The following DCDC1 variants were observed in gnomAD, a reference collection of about 807,000 sequenced individuals.
DCDC1 encodes doublecortin domain containing 1.
In DCDC1, 200 loss-of-function variants were observed where a neutral mutation model predicts 178.3. The observed-to-expected ratio is 1.12, with a 90% CI of 1.00 to 1.26. DCDC1 has a LOEUF of 1.26. Among genes scored for constraint, DCDC1 ranks in the 50% most tolerant of loss-of-function variants. The probability of loss-of-function intolerance (pLI) is 0.00; values close to 1 mark genes in which losing one functional copy is unlikely to be tolerated. For synonymous variants in DCDC1, 690 were observed against 604.8 expected, an observed-to-expected ratio of 1.14 and a Z score of -2.07; for missense variants, 1,983 against 1,749.2, an observed-to-expected ratio of 1.13 and a Z score of -2.38.
At chr11:31,253,356 ATT>A (rs1357132704) in intron 8 of DCDC1, among the ~76,000 whole-genome samples, 16 of 134,640 alleles carry the variant, frequency 1.2e-4, no homozygotes, top group Admixed American at 1.5e-4. Context: ...AGTTTTGGAG[ATT>A]TTTTTTTTTT....
At chr11:31,327,389 C>T (rs894733699) in intron 3 of DCDC1, among the ~76,000 whole-genome samples, 2 of 151,996 alleles carry the variant, frequency 1.3e-5, no homozygotes, top group African/African-American at 2.4e-5. Context: ...AGGCTGGTCT[C>T]AAACTCCCGA....
intron 20 of DCDC1, among the ~76,000 whole-genome samples, chr11:30,959,105 A>C (rs961990744): frequency 1.8e-4 from 27 of 152,130 alleles, no homozygotes; most frequent in African/African-American, 6.0e-4. Flanking sequence ...AAGAGGAGGA[A>C]GTTGATGCCT....
intron 21 of DCDC1, among the ~76,000 whole-genome samples, chr11:30,949,420 G>A (rs1172668093): frequency 6.6e-6 from 1 of 152,214 alleles, no homozygotes; most frequent in Non-Finnish European, 1.5e-5. Context: ...GTGTAAATTA[G>A]TTAAACCATT....
In DCDC1 at chr11:31,011,645, C is replaced by A. The variant is rs113437061; in HGVS notation, c.2591+52824G>T. 4.4e-3 allele frequency among the ~76,000 whole-genome samples: 670 copies of A among 152,284 alleles called. 5 individuals carry two copies. Among genetic ancestry groups the A allele is most frequent in the African/African-American group, 0.015 (642 of 41,544 alleles). On this transcript the variant is annotated intron_variant, in intron 20 of 38. Coordinates refer to ENST00000684477, the MANE Select transcript of DCDC1 (RefSeq NM_001387274.1). ...CATCCCCTACGCTATAGTAGAACCA[C>A]TTTAGAGAGCTATGTAAAAATACAA... is the stretch of plus-strand genomic sequence containing the variant.
chr11:30,934,291 T>G (rs1037832426), intron 21 of DCDC1, among the ~76,000 whole-genome samples: 1 of 152,076 alleles, frequency 6.6e-6, no homozygotes, highest in Non-Finnish European at 1.5e-5. Context: ...ATCTCTCTGG[T>G]TTTGGTGGCC....
intron 9 of DCDC1, among the ~76,000 whole-genome samples, chr11:31,146,900 G>A (rs1964513441): frequency 6.6e-6 from 1 of 152,066 alleles, no homozygotes; most frequent in African/African-American, 2.4e-5. Flanking sequence ...ACCAAGCGTG[G>A]TTCAGAAAAT....
chr11:31,087,329 G>T, intron 17 of DCDC1, among the ~76,000 whole-genome samples: 1 of 150,672 alleles, frequency 6.6e-6, no homozygotes, highest in East Asian at 2.0e-4. Flanking sequence ...TAATTTCATT[G>T]GTTTTCTTTT....
chr11:31,365,988 C>T (rs913070603), intron 1 of DCDC1, among the ~76,000 whole-genome samples: 1 of 137,842 alleles, frequency 7.3e-6, no homozygotes, highest in Non-Finnish European at 1.7e-5. Flanking sequence ...AAATGTGCAA[C>T]AAATATTATT....
intron 20 of DCDC1, among the ~76,000 whole-genome samples, chr11:31,030,947 G>A (rs1028458538): frequency 3.3e-5 from 5 of 152,018 alleles, no homozygotes; most frequent in Non-Finnish European, 5.9e-5. Context: ...ATTTTTATCT[G>A]AGTTCTTATA....
Position 31,328,229 on chromosome 11 carries a change from A to C in DCDC1, c.52T>G (p.Leu18Val). Reference sequence around the variant, plus strand: ...TCCATTGCTTCAGTCAAGAGGGATAAGGAAGACTGAGATAGTGCTTCTCTG... The same window carrying C: ...TCCATTGCTTCAGTCAAGAGGGATACGGAAGACTGAGATAGTGCTTCTCTG... ...DHREALSQSS[L>V]SLLTEAMEVL... The change falls in exon 3 of 39, where the codon TTA (leucine) becomes GTA (valine). Residue 18 changes from leucine to valine, a missense_variant. Physicochemically the swap from Leu to Val is conservative, Grantham distance 32. Transcript: ENST00000684477. 3.7e-6 allele frequency: 6 copies of C among 1,608,006 alleles called. No individual in the cohort carries two copies. Among genetic ancestry groups the C allele is most frequent in the Non-Finnish European group, 5.1e-6 (6 of 1,175,938 alleles).
At chr11:31,185,080 T>TA (rs940744864) in intron 9 of DCDC1, among the ~76,000 whole-genome samples, 1 of 152,062 alleles carries the variant, frequency 6.6e-6, no homozygotes, top group South Asian at 2.1e-4. Flanking sequence ...TATGCAGCCA[T>TA]AAAAAAGGGT....
At chr11:31,201,810 T>C (rs1429545327) in intron 9 of DCDC1, among the ~76,000 whole-genome samples, 1 of 152,010 alleles carries the variant, frequency 6.6e-6, no homozygotes, top group Admixed American at 6.6e-5. Context: ...AATAAGACAG[T>C]TGGGAGGAAA....
At chr11:30,973,935 A>AT (rs1397242535) in intron 20 of DCDC1, among the ~76,000 whole-genome samples, 1 of 151,954 alleles carries the variant, frequency 6.6e-6, no homozygotes, top group Non-Finnish European at 1.5e-5. Flanking sequence ...CAGAATACTC[A>AT]TTTTTTTCTC....
rs768856166 is a variant in DCDC1 at position 31,091,488 on chromosome 11, C to T, written c.2142G>A (p.Ala714=). 2.6e-6 allele frequency: 2 copies of T among 758,040 alleles called. No individual in the cohort carries two copies. 47.0% of individuals were successfully genotyped at this position (758,040 alleles called of 1,614,324 possible). Residue 714 remains alanine, a synonymous_variant, in exon 17 of 39, where the codon GCG becomes GCA. Coordinates refer to ENST00000684477, the MANE Select transcript of DCDC1 (RefSeq NM_001387274.1). ...CAATAGCCAGGCAGCCCTGAGTTATCGCTCGGCTCAGGATCATTCCAGTCT... is the reference window on the plus strand; with the variant it reads ...CAATAGCCAGGCAGCCCTGAGTTATTGCTCGGCTCAGGATCATTCCAGTCT... ...ITKTGMILSR[A]ITQGCLAIGH...
chr11:31,054,755 A>G (rs1375006685), intron 20 of DCDC1, among the ~76,000 whole-genome samples: 1 of 152,236 alleles, frequency 6.6e-6, no homozygotes, highest in Non-Finnish European at 1.5e-5. Context: ...TTTTTCAGCA[A>G]ATGGTGCTGG....
chr11:30,915,161 A>C (rs1014441100), intron 27 of DCDC1, among the ~76,000 whole-genome samples: 6 of 152,188 alleles, frequency 3.9e-5, no homozygotes, highest in Non-Finnish European at 5.9e-5. Context: ...AAAAAATTTG[A>C]AAATTGGGGA....
chr11:30,935,510 T>C (rs1947222147), intron 21 of DCDC1, among the ~76,000 whole-genome samples: 1 of 152,132 alleles, frequency 6.6e-6, no homozygotes, highest in Admixed American at 6.6e-5. Context: ...ATCCCAGCCA[T>C]ATTAACTTCC....
At chr11:30,964,731 A>G (rs1237061587) in intron 20 of DCDC1, among the ~76,000 whole-genome samples, 1 of 152,182 alleles carries the variant, frequency 6.6e-6, no homozygotes. Context: ...TTTCTGCTAC[A>G]ATCATTGCAT....
At chr11:31,134,954 C>G (rs1962938121) in intron 10 of DCDC1, among the ~76,000 whole-genome samples, 1 of 152,166 alleles carries the variant, frequency 6.6e-6, no homozygotes, top group Non-Finnish European at 1.5e-5. Context: ...TATGATCACA[C>G]TGCTTCATTC....
Sources: gnomAD v4.1 joint callset for allele counts (sites outside exome capture counted in the v4.1 genomes callset) on GRCh38, gnomAD v4.1.1 for gene constraint, MANE v1.5 for transcripts, NCBI Gene and HGNC (gene_info 2026-07-23, HGNC 2026-07-21) for gene names.